SMARCA1: variants seen among roughly 807,000 people sequenced by gnomAD.
The protein encoded by SMARCA1 is SNF2 related chromatin remodeling ATPase 1.
A neutral mutation model predicts 93.6 loss-of-function variants in SMARCA1; 17 were observed. The ratio of observed to expected loss-of-function variants is 0.18; its 90% CI spans 0.12 to 0.27. SMARCA1 has a LOEUF of 0.27. Ranked by LOEUF, SMARCA1 falls within the 10% of genes least tolerant of loss-of-function variation. The probability of loss-of-function intolerance (pLI) is 1.00; values close to 1 mark genes in which losing one functional copy is unlikely to be tolerated. For synonymous variants in SMARCA1, 271 were observed against 271.4 expected, an observed-to-expected ratio of 1.00 and a Z score of 0.01; for missense variants, 630 against 819.0, an observed-to-expected ratio of 0.77 and a Z score of 2.82.
In SMARCA1 at chrX:129,446,959, G is replaced by C; in HGVS notation, c.*203C>G. ...GAAGACATGAAATGCACAAAATACA[G>C]TACACAAAAATACTAGAATGCCATA... On this transcript the variant is annotated 3_prime_UTR_variant, in exon 25 of 25. Coordinates refer to ENST00000371121, the MANE Select transcript of SMARCA1 (RefSeq NM_001282874.2). 2 of 379,965 alleles carry C rather than the reference G, an allele frequency of 5.3e-6. No homozygotes were observed. The highest frequency in any genetic ancestry group is 9.0e-6 in the Non-Finnish European group (2 of 222,649). The allele number at this position is 379,965 out of a possible 1,213,427, so 31.3% of individuals were successfully genotyped here. A position where few individuals can be genotyped will look rare whatever the true frequency, so the allele number is the denominator to read the frequency against.
intron 6 of SMARCA1, among the ~76,000 whole-genome samples, chrX:129,510,446 T>C (rs1338743973): frequency 8.9e-6 from 1 of 112,181 alleles, no homozygotes; most frequent in Non-Finnish European, 1.9e-5. Context: ...TGCACACTTG[T>C]AGTCCCAGCA....
At chrX:129,489,926 G>T in intron 15 of SMARCA1, 134 bp downstream of exon 15, 1 of 432,889 alleles carries the variant, frequency 2.3e-6, no homozygotes. Context: ...CAGACTCATG[G>T]GATACACAGT....
intron 19 of SMARCA1, among the ~76,000 whole-genome samples, chrX:129,478,955 C>T (rs1326305705): frequency 3.6e-5 from 4 of 111,448 alleles, no homozygotes. Context: ...GTTGTGAGAC[C>T]AGGACCCATG....
intron 1 of SMARCA1, among the ~76,000 whole-genome samples, chrX:129,520,858 GGAA>G (rs769122442): frequency 8.0e-5 from 9 of 112,052 alleles, no homozygotes; most frequent in Admixed American, 7.5e-4. Context: ...TGGCAATTAA[GGAA>G]GAAGACAGAA....
At chrX:129,498,855 A>C (rs760445852) in intron 10 of SMARCA1, among the ~76,000 whole-genome samples, 8 of 111,852 alleles carry the variant, frequency 7.2e-5, no homozygotes, top group Non-Finnish European at 1.5e-4. Context: ...TGCTCCTATT[A>C]GCAGCACTAT....
intron 21 of SMARCA1, among the ~76,000 whole-genome samples, chrX:129,467,535 A>G (rs1217538757): frequency 9.0e-6 from 1 of 110,874 alleles, no homozygotes. Context: ...GAGTAATAGT[A>G]ATATCATGCT....
intron 9 of SMARCA1, among the ~76,000 whole-genome samples, chrX:129,500,123 T>TAAAAAAAA (rs61313042): frequency 9.1e-5 from 8 of 87,461 alleles, no homozygotes; most frequent in African/African-American, 3.4e-4. Context: ...AAAGAACCCT[T>TAAAAAAAA]AAAAAAAAAA....
At chrX:129,507,876 C>G in intron 7 of SMARCA1, 65 bp downstream of exon 7, 1 of 741,011 alleles carries the variant, frequency 1.3e-6, no homozygotes, top group Non-Finnish European at 1.9e-6. Context: ...ATTCTGAATA[C>G]AGAAAAGTGA....
In SMARCA1 at chrX:129,518,412, A is replaced by G; in HGVS notation, c.210T>C (p.Ala70=). 8.4e-7 allele frequency: 1 copy of G among 1,195,261 alleles called. No homozygotes were observed. The highest frequency in any genetic ancestry group is 1.1e-6 in the Non-Finnish European group (1 of 885,792). Residue 70 remains alanine, a synonymous_variant, in exon 2 of 25, where the codon GCT becomes GCC. Coordinates refer to ENST00000371121, the MANE Select transcript of SMARCA1 (RefSeq NM_001282874.2). ...NVSSFQLKLA[A]KAPKSEKEMD... is the part of the protein sequence containing the mutation. ...TTTCCTTTTCAGATTTAGGCGCTTT[A>G]GCAGCAAGTTTGAGTTGAAATGAAG...
intron 23 of SMARCA1, among the ~76,000 whole-genome samples, chrX:129,450,299 A>C (rs1289165586): frequency 8.9e-6 from 1 of 112,003 alleles, no homozygotes; most frequent in African/African-American, 3.2e-5. Context: ...CACGTGCAGA[A>C]GGTGGCCATC....
rs1569430052 is a variant in SMARCA1, at chrX:129,471,204, T to A, written c.2565A>T (p.Gln855His). 7.6e-6 allele frequency: 9 copies of A among 1,187,618 alleles called. No homozygotes were observed. Among genetic ancestry groups the A allele is most frequent in the Non-Finnish European group, 1.0e-5 (9 of 883,530 alleles). Residue 855 changes from glutamine to histidine, a missense_variant and splice_region_variant, in exon 20 of 25, where the codon CAA (glutamine) becomes CAT (histidine). By Grantham distance (24) the Gln-to-His change is conservative. Transcript: ENST00000371121. The stretch of plus-strand genomic sequence containing the variant: ...ATTACAGCCATTGAAAATATTTTAC[T>A]TGTGTGAGAAGTTTTTCCTTTTCTT... ...ETEEKEKLLT[Q>H]GFTNWTKRDF...
At chrX:129,500,123 TA>T (rs61313042) in intron 9 of SMARCA1, among the ~76,000 whole-genome samples, 1,610 of 87,332 alleles carry the variant, frequency 0.018, 23 homozygotes, top group African/African-American at 0.051. Context: ...AAAGAACCCT[TA>T]AAAAAAAAAA....
intron 17 of SMARCA1, among the ~76,000 whole-genome samples, chrX:129,481,721 T>A (rs907819441): frequency 2.7e-4 from 30 of 111,765 alleles, no homozygotes; most frequent in African/African-American, 9.4e-4. Flanking sequence ...GGAACACTTT[T>A]ACACTGTTGG....
At chrX:129,497,729 G>A (rs1934391009) in intron 11 of SMARCA1, 116 bp downstream of exon 11, 1 of 484,286 alleles carries the variant, frequency 2.1e-6, no homozygotes, top group South Asian at 3.6e-5. Flanking sequence ...CTGGCAAATG[G>A]TAAGTACTCA....
chrX:129,484,975 C>T (rs1933833046), intron 17 of SMARCA1, among the ~76,000 whole-genome samples: 1 of 112,298 alleles, frequency 8.9e-6, no homozygotes, highest in African/African-American at 3.2e-5. Context: ...GCCACAGGGG[C>T]GCTGCCCTGT....
chrX:129,470,104 T>C (rs894712021), intron 20 of SMARCA1, among the ~76,000 whole-genome samples: 2 of 111,473 alleles, frequency 1.8e-5, no homozygotes, highest in African/African-American at 6.5e-5. Context: ...ATAAAAACTA[T>C]CTTTCAATAA....
intron 7 of SMARCA1, among the ~76,000 whole-genome samples, chrX:129,506,715 G>GAAAAAAAAAAAAAAA (rs1934830266): frequency 1.8e-5 from 1 of 55,737 alleles, no homozygotes; most frequent in East Asian, 7.5e-4. Flanking sequence ...AAAAAAAAAA[G>GAAAAAAAAAAAAAAA]GAAGAAGAAT....
At position 129,511,912 on chromosome X, in the gene SMARCA1, A is replaced by C. The variant is rs183533537; in HGVS notation, c.702T>G (p.Pro234=). 4 of 1,205,535 alleles carry C rather than the reference A, an allele frequency of 3.3e-6. No homozygotes were observed. The highest frequency in any genetic ancestry group is 4.5e-6 in the Non-Finnish European group (4 of 891,697). The change falls in exon 6 of 25, where the codon CCT becomes CCG. Residue 234 remains proline (P), a synonymous_variant. Transcript: ENST00000371121. ...TAGACTTTGGAACTAAAACCATGTG[A>C]GGTCCAGGAATATTTCGGTAGTGTT... ...YLKHYRNIPG[P]HMVLVPKSTL...
chrX:129,504,545 G>GGAAT (rs1467225272), intron 9 of SMARCA1, among the ~76,000 whole-genome samples, 189 bp downstream of exon 9: 7 of 26,166 alleles, frequency 2.7e-4, no homozygotes, highest in Non-Finnish European at 3.3e-4. Context: ...AGGACATAGA[G>GGAAT]GAATAAAAAA....
Sources: gnomAD v4.1 joint callset for allele counts (sites outside exome capture counted in the v4.1 genomes callset) on GRCh38, gnomAD v4.1.1 for gene constraint, MANE v1.5 for transcripts, NCBI Gene and HGNC (gene_info 2026-07-23, HGNC 2026-07-21) for gene names.